Variants in SLC25A12 observed in about 807,000 individuals in gnomAD.
SLC25A12 encodes solute carrier family 25 member 12.
Under a neutral mutation model 83.3 loss-of-function variants are expected in SLC25A12, and 32 were observed. That is an observed-to-expected ratio of 0.38 (90% CI 0.29 to 0.52). The LOEUF is 0.52. Ranked by LOEUF, SLC25A12 falls within the 20% of genes least tolerant of loss-of-function variation. The pLI is 0.84. For synonymous variants in SLC25A12, 267 were observed against 291.1 expected, an observed-to-expected ratio of 0.92 and a Z score of 0.84; for missense variants, 611 against 835.6, an observed-to-expected ratio of 0.73 and a Z score of 3.31.
intron 2 of SLC25A12, among the ~76,000 whole-genome samples, chr2:171,881,762 A>C (rs1685700317): frequency 6.6e-6 from 1 of 152,232 alleles, no homozygotes; most frequent in South Asian, 2.1e-4. Context: ...CTTGCACAGT[A>C]CCTGGCTCTT....
intron 3 of SLC25A12, among the ~76,000 whole-genome samples, chr2:171,857,449 C>A (rs1474620283): frequency 6.6e-6 from 1 of 152,140 alleles, no homozygotes; most frequent in Non-Finnish European, 1.5e-5. Flanking sequence ...CTTTGGGAGG[C>A]TGAGGCAGGC....
rs139084471 is a variant in SLC25A12 at position 171,891,339 on chromosome 2, C to T, written c.66+1866G>A. On this transcript the variant is annotated intron_variant, in intron 2 of 17. Coordinates refer to ENST00000422440, the MANE Select transcript of SLC25A12 (RefSeq NM_003705.5). ...TTGTCAAAGAGCTAGGGACAGTCCT[C>T]GCCATTCTCCTCATACCTCCAACCC... 4.0e-3 allele frequency among the ~76,000 whole-genome samples: 608 copies of T among 152,064 alleles called. 2 individuals carry two copies. The highest frequency in any genetic ancestry group is 6.0e-3 in the Non-Finnish European group (407 of 67,974).
chr2:171,787,111 T>C (rs561043540), intron 17 of SLC25A12, among the ~76,000 whole-genome samples: 1 of 152,288 alleles, frequency 6.6e-6, no homozygotes, highest in East Asian at 1.9e-4. Context: ...AGGCCAAGGC[T>C]GGTGGAGTTC....
intron 5 of SLC25A12, among the ~76,000 whole-genome samples, chr2:171,842,187 A>G (rs1019006292): frequency 5.3e-5 from 8 of 152,180 alleles, no homozygotes; most frequent in African/African-American, 1.9e-4. Flanking sequence ...ATATTATACA[A>G]TGGAATAGTA....
intron 3 of SLC25A12, among the ~76,000 whole-genome samples, chr2:171,864,012 T>C (rs1374161825): frequency 6.6e-6 from 1 of 152,176 alleles, no homozygotes; most frequent in East Asian, 1.9e-4. Context: ...TATGGGACAA[T>C]AAAACTGAAT....
At position 171,787,583 on chromosome 2, in the gene SLC25A12, T is replaced by G; in HGVS notation, c.1823A>C (p.Asp608Ala). 1 of 1,613,676 alleles carries G rather than the reference T, an allele frequency of 6.2e-7. No homozygotes were observed. Among genetic ancestry groups the G allele is most frequent in the Non-Finnish European group, 8.5e-7 (1 of 1,179,616 alleles). ...GCAGCTGACTTACAGGCCTCCAAAA[T>G]CAATGTAAAACCACCGCTGGAGAAG... is the stretch of plus-strand genomic sequence containing the variant. ...YELLQRWFYI[D>A]FGGLKPAGSE... Residue 608 changes from aspartate to alanine, a missense_variant, in exon 17 of 18, where the codon GAT becomes GCT. Around this residue, in one of 3 missense-constraint regions of SLC25A12, gnomAD observed 540 missense variants for 777.5 expected, o/e 0.69. Transcript: ENST00000422440.
At chr2:171,891,156 A>G (rs1685926297) in intron 2 of SLC25A12, among the ~76,000 whole-genome samples, 1 of 152,146 alleles carries the variant, frequency 6.6e-6, no homozygotes, top group South Asian at 2.1e-4. Flanking sequence ...AATACAAAAA[A>G]TTAGCCGGGT....
At chr2:171,789,354 C>A (rs368290773) in intron 15 of SLC25A12, among the ~76,000 whole-genome samples, 11 of 152,176 alleles carry the variant, frequency 7.2e-5, no homozygotes, top group Non-Finnish European at 1.5e-4. Flanking sequence ...TCAGCCTCCC[C>A]AGTAGCTGGG....
intron 3 of SLC25A12, among the ~76,000 whole-genome samples, chr2:171,860,501 C>G (rs1266530724): frequency 6.6e-6 from 1 of 152,084 alleles, no homozygotes; most frequent in South Asian, 2.1e-4. Flanking sequence ...ATTTGGGTGG[C>G]TGAAGTATGA....
chr2:171,788,554 C>G (rs1690532512), intron 15 of SLC25A12: 1 of 156,314 alleles, frequency 6.4e-6, no homozygotes, highest in Non-Finnish European at 1.4e-5. Context: ...AACAGGGGAG[C>G]TGGTCAGGGA....
At chr2:171,865,544 C>T (rs1289332347) in intron 3 of SLC25A12, among the ~76,000 whole-genome samples, 1 of 151,822 alleles carries the variant, frequency 6.6e-6, no homozygotes, top group African/African-American at 2.4e-5. Flanking sequence ...ATCTGTAATC[C>T]CAGCTACTTG....
intron 4 of SLC25A12, among the ~76,000 whole-genome samples, chr2:171,854,295 G>A (rs928918533): frequency 2.4e-4 from 37 of 152,142 alleles, no homozygotes; most frequent in African/African-American, 8.2e-4. Flanking sequence ...CAGGCCAGGC[G>A]CGGTGGCTCA....
At chr2:171,864,578 T>C (rs1003337290) in intron 3 of SLC25A12, among the ~76,000 whole-genome samples, 5 of 152,172 alleles carry the variant, frequency 3.3e-5, no homozygotes, top group East Asian at 1.9e-4. Context: ...CCCTCCTCCA[T>C]TGCCATTCAC....
At chr2:171,860,881 A>C (rs1685143091) in intron 3 of SLC25A12, among the ~76,000 whole-genome samples, 1 of 152,134 alleles carries the variant, frequency 6.6e-6, no homozygotes, top group Non-Finnish European at 1.5e-5. Context: ...CAAAAGTTCA[A>C]GACCAGCCTA....
At chr2:171,816,744 TA>T (rs1293187573) in intron 9 of SLC25A12, among the ~76,000 whole-genome samples, 4 of 152,218 alleles carry the variant, frequency 2.6e-5, no homozygotes, top group Admixed American at 1.3e-4. Context: ...ATTAACCAGT[TA>T]ATTCTGATAC....
intron 13 of SLC25A12, among the ~76,000 whole-genome samples, chr2:171,804,666 C>T (rs1325655108): frequency 6.6e-6 from 1 of 152,150 alleles, no homozygotes; most frequent in Non-Finnish European, 1.5e-5. Context: ...AACTCTAGTA[C>T]TTTGGGAGGA....
At chr2:171,794,563 T>C (rs1370289825) in intron 13 of SLC25A12, among the ~76,000 whole-genome samples, 1 of 151,182 alleles carries the variant, frequency 6.6e-6, no homozygotes, top group Non-Finnish European at 1.5e-5. Context: ...AGAGTATATT[T>C]GCATCTGAAA....
chr2:171,849,689 G>A (rs1359229570), intron 4 of SLC25A12, among the ~76,000 whole-genome samples: 1 of 151,488 alleles, frequency 6.6e-6, no homozygotes, highest in Non-Finnish European at 1.5e-5. Context: ...CCAAGTAGCT[G>A]GGACTACAGG....
In SLC25A12 at chr2:171,809,925, G is replaced by C. The variant is rs138762369; in HGVS notation, c.1225-239C>G. On this transcript the variant is annotated intron_variant, in intron 12 of 17. Coordinates refer to ENST00000422440, the MANE Select transcript of SLC25A12 (RefSeq NM_003705.5). The stretch of plus-strand genomic sequence containing the variant: ...CTGTTGCTCAGGCTGGAGTGCAGTG[G>C]CATGATCATAGCTCACTACAGCCTC... 2.7e-3 allele frequency among the ~76,000 whole-genome samples: 404 copies of C among 152,260 alleles called. 2 individuals are homozygous for C. The highest frequency in any genetic ancestry group is 8.8e-3 in the African/African-American group (365 of 41,538).
Sources: gnomAD v4.1 joint callset for allele counts (sites outside exome capture counted in the v4.1 genomes callset) on GRCh38, gnomAD v4.1.1 for gene constraint, gnomAD v4.1.1 regional missense constraint, MANE v1.5 for transcripts, NCBI Gene and HGNC (gene_info 2026-07-23, HGNC 2026-07-21) for gene names.